PFAS: variants seen among roughly 807,000 people sequenced by gnomAD.
The protein encoded by PFAS is phosphoribosylformylglycinamidine synthase, also known as FGAM synthase.
In PFAS, 97 loss-of-function variants were observed where a neutral mutation model predicts 140.6. The ratio of observed to expected loss-of-function variants is 0.69; its 90% CI spans 0.59 to 0.82. PFAS has a LOEUF of 0.82. Ranked by LOEUF, PFAS falls within the 40% of genes least tolerant of loss-of-function variation. The pLI is 0.00. For missense variants in PFAS, 1,656 were observed against 1,780.2 expected (o/e 0.93, Z 1.26); for synonymous variants, 679 against 718.8 (o/e 0.94, Z 0.88).
chr17:8,254,702 G>A (rs891009105), intron 3 of PFAS, among the ~76,000 whole-genome samples: 2 of 149,466 alleles, frequency 1.3e-5, no homozygotes, highest in African/African-American at 2.5e-5. Context: ...TACTAGGCAG[G>A]CTGAGGCAGG....
rs760354061 is a variant in PFAS, at chr17:8,268,933, TC to T, written c.3707-18del. The T allele has an allele frequency of 2.5e-6, 4 of 1,613,546 alleles. No individual in the cohort carries two copies. The highest frequency in any genetic ancestry group is 2.5e-6 in the Non-Finnish European group (3 of 1,179,638). ...GGCATGAAGGACCTTGGCTCTCACTTCCCTCCTCCTTCCATCCCAGGTTACG... is the reference window on the plus strand; with the variant it reads ...GGCATGAAGGACCTTGGCTCTCACTTCCTCCTCCTTCCATCCCAGGTTACG... On this transcript the variant is annotated intron_variant, in intron 27 of 27. Transcript: ENST00000314666.
chr17:8,267,864 A>G lies in PFAS; in HGVS notation c.3382+199A>G, dbSNP rs1989882610. 6.8e-6 allele frequency among the ~76,000 whole-genome samples: 1 copy of G among 147,348 alleles called. No homozygotes were observed. Among genetic ancestry groups the G allele is most frequent in the Non-Finnish European group, 1.5e-5 (1 of 67,140 alleles). On this transcript the variant is annotated intron_variant, in intron 26 of 27. Transcript: ENST00000314666. This position sits in a 1 kb window ranked among gnomAD's most constrained non-coding sequence, Gnocchi z 4.9. The stretch of plus-strand genomic sequence containing the variant: ...TCATTGAAAAAAAGTATATATATAC[A>G]CATATGTAATTAAAATATATATTAT...
chr17:8,263,733 G>T, intron 14 of PFAS, 42 bp from the exon 15 acceptor site: 1 of 1,607,476 alleles, frequency 6.2e-7, no homozygotes, highest in Non-Finnish European at 8.5e-7. Context: ...ACGTGGGAGT[G>T]CCCACTGGCC....
Position 8,265,830 on chromosome 17 carries a change from TCCCCTCCCCTCA to T in PFAS, c.2546-22_2546-11del, listed in dbSNP as rs1468067623. 3 of 1,569,392 alleles carry T rather than the reference TCCCCTCCCCTCA, an allele frequency of 1.9e-6. No homozygotes were observed. Among genetic ancestry groups the T allele is most frequent in the Non-Finnish European group, 1.7e-6 (2 of 1,149,934 alleles). ...TCAGGGATGGGTCCTCCTGAGCTGT[TCCCCTCCCCTCA>T]CCCCTCCCCGTCTCCCCAGGCCATC... On this transcript the variant is annotated intron_variant, in intron 20 of 27. Coordinates refer to ENST00000314666, the MANE Select transcript of PFAS (RefSeq NM_012393.3).
At chr17:8,254,919 G>A in intron 3 of PFAS, 108 bp from the exon 4 acceptor site, 1 of 749,624 alleles carries the variant, frequency 1.3e-6, no homozygotes, top group Non-Finnish European at 2.4e-6. Flanking sequence ...AGCCAATGGT[G>A]AGGGGATAGC....
At chr17:8,249,137 G>A (rs981273513), upstream of PFAS, 1 of 152,198 alleles carries the variant, frequency 6.6e-6, no homozygotes, top group African/African-American at 2.4e-5. Flanking sequence ...GTCAGTTCAA[G>A]ACAGATTTGT....
intron 9 of PFAS, among the ~76,000 whole-genome samples, chr17:8,257,384 G>A (rs1264868071): frequency 3.3e-5 from 5 of 151,648 alleles, no homozygotes; most frequent in Non-Finnish European, 7.4e-5. Flanking sequence ...GTGAAACCCC[G>A]TCTCTACTAA....
In PFAS at chr17:8,270,353, C is replaced by T. The variant is rs1258734749; in HGVS notation, c.*1089C>T. 1 of 152,216 alleles carries T rather than the reference C, an allele frequency of 6.6e-6. No homozygotes were observed. The highest frequency in any genetic ancestry group is 2.4e-5 in the African/African-American group (1 of 41,442). 9.4% of individuals were successfully genotyped at this position (152,216 alleles called of 1,614,324 possible). A position where few individuals can be genotyped will look rare whatever the true frequency, so the allele number is the denominator to read the frequency against. ...TGTGTAATAGAATTAAAAATAATAG[C>T]TGTGTATAACACTTAGCTCAAGCCA... On this transcript the variant is annotated 3_prime_UTR_variant, in exon 28 of 28. Transcript: ENST00000314666.
Position 8,265,452 on chromosome 17 carries a change from G to A in PFAS, c.2445G>A (p.Glu815=). ...SLSMAARVGT[E]TVRAPGSLVI... ...GCATGGCTGCTCGGGTTGGCACTGA[G>A]ACCGTGCGGGCTCCTGGTGAGGTGT... is the stretch of plus-strand genomic sequence containing the variant. The change falls in exon 19 of 28, where the codon GAG becomes GAA. Residue 815 remains glutamate, a synonymous_variant. Transcript: ENST00000314666. 6.2e-7 allele frequency: 1 copy of A among 1,613,714 alleles called. No individual in the cohort carries two copies. The highest frequency in any genetic ancestry group is 8.5e-7 in the Non-Finnish European group (1 of 1,179,668).
chr17:8,268,456 C>A, intron 26 of PFAS, 77 bp from the exon 27 acceptor site: 1 of 912,806 alleles, frequency 1.1e-6, no homozygotes, highest in Non-Finnish European at 1.7e-6. Flanking sequence ...AGAAACAGAG[C>A]AGTTATGCCC....
rs781618753 is a variant in PFAS, at chr17:8,266,855, G to T, written c.2924G>T (p.Cys975Phe). 1.2e-6 allele frequency: 2 copies of T among 1,609,286 alleles called. No individual in the cohort carries two copies. The highest frequency in any genetic ancestry group is 8.5e-7 in the Non-Finnish European group (1 of 1,179,588). Residue 975 changes from cysteine to phenylalanine, a missense_variant, in exon 23 of 28, where the codon TGC becomes TTC. Cys to Phe is a radical substitution (Grantham distance 205, BLOSUM62 -2). Around this residue, in one of 2 missense-constraint regions of PFAS, gnomAD observed 883 missense variants for 1,023.0 expected, o/e 0.86. Coordinates refer to ENST00000314666, the MANE Select transcript of PFAS (RefSeq NM_012393.3). The surrounding 1 kb of genome is among the most constrained non-coding windows in gnomAD (Gnocchi z 5.0). The part of the protein sequence containing the change: ...LKRYRDAGLH[C>F]LELGHTGEAG... ...CGTTACCGGGATGCTGGCCTCCATT[G>T]CCTGGAGCTGGGCCACACAGGCGAG...
intron 9 of PFAS, 132 bp from the exon 10 acceptor site, chr17:8,257,675 C>A (rs2151581964): frequency 1.1e-6 from 1 of 915,142 alleles, no homozygotes. Context: ...TAAAGCAGGA[C>A]TTCCTGAAGT....
At chr17:8,252,014 G>A (rs1294858217) in intron 1 of PFAS, among the ~76,000 whole-genome samples, 1 of 151,938 alleles carries the variant, frequency 6.6e-6, no homozygotes, top group Non-Finnish European at 1.5e-5. Context: ...TAATTTATGG[G>A]TCGGAATGGT....
In PFAS at chr17:8,267,365, C is replaced by T; in HGVS notation, c.3176-7C>T. The T allele has an allele frequency of 6.2e-7, 1 of 1,613,340 alleles. No individual in the cohort carries two copies. Among genetic ancestry groups the T allele is most frequent in the Non-Finnish European group, 8.5e-7 (1 of 1,179,504 alleles). ...TTCTGGCCCAAAGACACTTATTCTC[C>T]CCCAAGGTGGTCCCAGCCCCCGAGT... On this transcript the variant is annotated splice_polypyrimidine_tract_variant and splice_region_variant and intron_variant, in intron 24 of 27. Coordinates refer to ENST00000314666, the MANE Select transcript of PFAS (RefSeq NM_012393.3). The surrounding 1 kb of genome is among the most constrained non-coding windows in gnomAD (Gnocchi z 4.9).
intron 15 of PFAS, 54 bp from the exon 16 acceptor site, chr17:8,264,158 C>G: frequency 6.2e-7 from 1 of 1,604,412 alleles, no homozygotes. Context: ...AGGAACATTC[C>G]TTGCTGGTGT....
intron 8 of PFAS, 62 bp from the exon 9 acceptor site, chr17:8,256,773 G>A (rs1244836482): frequency 1.3e-6 from 2 of 1,554,818 alleles, no homozygotes; most frequent in African/African-American, 1.4e-5. Context: ...TTCAGTGGGG[G>A]TGGTCAGAGA....
intron 10 of PFAS, 43 bp downstream of exon 10, chr17:8,257,981 T>C: frequency 6.2e-7 from 1 of 1,612,204 alleles, no homozygotes; most frequent in Non-Finnish European, 8.5e-7. Context: ...CCAGAGGGGC[T>C]TGTGGGTGGG....
chr17:8,258,066 TC>T lies in PFAS; in HGVS notation c.1208-3del. 6.2e-7 allele frequency: 1 copy of T among 1,614,088 alleles called. No homozygotes were observed. Among genetic ancestry groups the T allele is most frequent in the Non-Finnish European group, 8.5e-7 (1 of 1,180,018 alleles). On this transcript the variant is annotated splice_region_variant and splice_polypyrimidine_tract_variant and intron_variant, in intron 10 of 27. Coordinates refer to ENST00000314666, the MANE Select transcript of PFAS (RefSeq NM_012393.3). Reference sequence around the variant, plus strand: ...TGACAGGTCCCTCTGATGTTCACACTCCAGGCTTCGCCCGCTCCTTGGGCCT... The same window carrying T: ...TGACAGGTCCCTCTGATGTTCACACTCAGGCTTCGCCCGCTCCTTGGGCCT...
intron 11 of PFAS, among the ~76,000 whole-genome samples, chr17:8,259,773 G>A (rs1429580768): frequency 2.0e-5 from 3 of 151,432 alleles, no homozygotes; most frequent in Non-Finnish European, 4.4e-5. Context: ...GAGTGACAGA[G>A]TGAAACCCTG....
Sources: allele counts gnomAD v4.1 joint callset (sites outside exome capture counted in the v4.1 genomes callset), GRCh38; gene constraint gnomAD v4.1.1; regional missense constraint gnomAD v4.1.1; non-coding constraint Gnocchi (gnomAD v3.1); transcripts MANE v1.5; gene names NCBI Gene and HGNC (gene_info 2026-07-23, HGNC 2026-07-21).